The following ATG10 variants were observed in gnomAD, a reference collection of about 807,000 sequenced individuals.
The protein encoded by ATG10 is ubiquitin-like-conjugating enzyme ATG10.
Under a neutral mutation model 32.1 loss-of-function variants are expected in ATG10, and 30 were observed. The observed-to-expected ratio is 0.94, with a 90% CI of 0.70 to 1.27. ATG10 has a LOEUF of 1.27. Among genes scored for constraint, ATG10 ranks in the 50% most tolerant of loss-of-function variants. ATG10 has a pLI of 0.00. For missense variants in ATG10, 233 were observed against 262.3 expected, an observed-to-expected ratio of 0.89 and a Z score of 0.77; for synonymous variants, 87 against 91.5, an observed-to-expected ratio of 0.95 and a Z score of 0.28.
Position 82,012,499 on chromosome 5 carries a change from C to T in ATG10, c.108+24821C>T, listed in dbSNP as rs114122427. On this transcript the variant is annotated intron_variant, in intron 2 of 7. Coordinates refer to ENST00000282185, the MANE Select transcript of ATG10 (RefSeq NM_031482.5). The stretch of plus-strand genomic sequence containing the variant: ...TAGATTGAATCTATGCATCACTTAA[C>T]TTCACATAGGCAACCCTGACCTCCC... 4.4e-3 allele frequency among the ~76,000 whole-genome samples: 666 copies of T among 152,246 alleles called. 4 individuals carry two copies. Among genetic ancestry groups the T allele is most frequent in the African/African-American group, 0.015 (625 of 41,534 alleles).
At chr5:82,075,163 C>G (rs1230048121) in intron 3 of ATG10, among the ~76,000 whole-genome samples, 2 of 152,162 alleles carry the variant, frequency 1.3e-5, no homozygotes, top group Non-Finnish European at 2.9e-5. Flanking sequence ...GTTAGGCTCT[C>G]TCTTCGTTAC....
intron 3 of ATG10, 86 bp from the exon 4 acceptor site, chr5:82,164,313 G>T: frequency 7.7e-7 from 1 of 1,296,988 alleles, no homozygotes. Flanking sequence ...GTTATTTTGT[G>T]AGAAGAAAAT....
chr5:82,008,362 A>G (rs1335355936), intron 2 of ATG10, among the ~76,000 whole-genome samples: 3 of 152,128 alleles, frequency 2.0e-5, no homozygotes, highest in Non-Finnish European at 2.9e-5. Context: ...TGTTTTTGTA[A>G]TAAACACTAA....
At chr5:81,985,619 C>T (rs1195079014) in intron 1 of ATG10, among the ~76,000 whole-genome samples, 4 of 152,180 alleles carry the variant, frequency 2.6e-5, no homozygotes, top group African/African-American at 9.7e-5. Context: ...AGGCAGAAAG[C>T]TTGGAATCTT....
At chr5:81,992,198 C>G (rs1171614018) in intron 2 of ATG10, 1 of 152,062 alleles carries the variant, frequency 6.6e-6, no homozygotes, top group East Asian at 1.9e-4. Flanking sequence ...CTATGTTGCC[C>G]AGGCTGGTCT....
In ATG10 at chr5:82,109,832, C is replaced by G. The variant is rs926312661; in HGVS notation, c.216+51230C>G. ...TATATTTTTATTATACTTTTAAGTT[C>G]TAGGGTACATGTGCACAATGTGCAG... On this transcript the variant is annotated intron_variant, in intron 3 of 7. Coordinates refer to ENST00000282185, the MANE Select transcript of ATG10 (RefSeq NM_031482.5). Among the ~76,000 whole-genome samples the G allele has an allele frequency of 2.0e-5, 3 of 150,544 alleles. No individual in the cohort carries two copies. In the Admixed American group the frequency reaches 2.0e-4, roughly 10 times the overall value.
intron 3 of ATG10, among the ~76,000 whole-genome samples, chr5:82,150,628 C>A (rs915040250): frequency 1.3e-5 from 2 of 152,202 alleles, no homozygotes; most frequent in African/African-American, 4.8e-5. Context: ...ATTTCTGTCA[C>A]CTCAGAGAAA....
At chr5:82,187,200 C>T (rs1052234872) in intron 5 of ATG10, among the ~76,000 whole-genome samples, 2 of 150,628 alleles carry the variant, frequency 1.3e-5, no homozygotes, top group African/African-American at 4.9e-5. Context: ...CCAGAAATCT[C>T]ACCTTTAAAA....
intron 3 of ATG10, among the ~76,000 whole-genome samples, chr5:82,104,190 C>T (rs1239800117): frequency 6.6e-6 from 1 of 152,042 alleles, no homozygotes; most frequent in Non-Finnish European, 1.5e-5. Flanking sequence ...GTACATATTT[C>T]TCTTGTGTTA....
intron 2 of ATG10, among the ~76,000 whole-genome samples, chr5:82,000,532 T>C (rs1398446947): frequency 6.6e-6 from 1 of 152,214 alleles, no homozygotes; most frequent in Non-Finnish European, 1.5e-5. Flanking sequence ...GAACTATTGC[T>C]GTTTGTAGAT....
intron 3 of ATG10, among the ~76,000 whole-genome samples, chr5:82,110,593 G>A (rs1183429726): frequency 1.3e-5 from 2 of 152,140 alleles, no homozygotes; most frequent in East Asian, 1.9e-4. Flanking sequence ...CTGCATAAAT[G>A]TCTTCTTTTG....
At chr5:82,022,629 C>CTTT (rs34410757) in intron 2 of ATG10, among the ~76,000 whole-genome samples, 65 of 135,198 alleles carry the variant, frequency 4.8e-4, no homozygotes, top group East Asian at 3.7e-3. Context: ...AGCCAGTACT[C>CTTT]TTTTTTTTTT....
At chr5:82,055,941 G>A (rs1335111516) in intron 2 of ATG10, among the ~76,000 whole-genome samples, 2 of 152,130 alleles carry the variant, frequency 1.3e-5, no homozygotes, top group African/African-American at 2.4e-5. Context: ...CAGGTTTGCA[G>A]CCTAGGAGCA....
At chr5:82,221,222 T>C (rs558366423) in intron 5 of ATG10, among the ~76,000 whole-genome samples, 6 of 152,334 alleles carry the variant, frequency 3.9e-5, no homozygotes, top group African/African-American at 1.4e-4. Context: ...TCTGCATTTC[T>C]CTCTTTAGCA....
intron 5 of ATG10, among the ~76,000 whole-genome samples, chr5:82,238,860 A>AGG (rs767611238): frequency 7.2e-5 from 11 of 152,150 alleles, no homozygotes; most frequent in Non-Finnish European, 1.3e-4. Context: ...AACATACCTT[A>AGG]GGGGGATACA....
intron 3 of ATG10, among the ~76,000 whole-genome samples, chr5:82,091,210 G>A (rs1331059252): frequency 1.3e-5 from 2 of 152,114 alleles, no homozygotes; most frequent in Non-Finnish European, 2.9e-5. Context: ...AGTCAGCTCT[G>A]TTCTGCTATT....
chr5:82,213,055 G>A (rs1043458489), intron 5 of ATG10, among the ~76,000 whole-genome samples: 5 of 152,094 alleles, frequency 3.3e-5, no homozygotes, highest in Admixed American at 2.6e-4. Flanking sequence ...TCGTTACCAA[G>A]CCTTTTTCAT....
At chr5:82,097,727 T>C (rs1055404350) in intron 3 of ATG10, among the ~76,000 whole-genome samples, 4 of 152,196 alleles carry the variant, frequency 2.6e-5, no homozygotes, top group African/African-American at 9.6e-5. Flanking sequence ...TCTAGTAGAA[T>C]GTTTTTAACT....
chr5:82,166,992 T>C (rs572822165), intron 4 of ATG10, among the ~76,000 whole-genome samples: 93 of 152,318 alleles, frequency 6.1e-4, no homozygotes, highest in Non-Finnish European at 1.0e-3. Flanking sequence ...ATAAATAGTT[T>C]CCATTTAAAT....
Sources: allele counts gnomAD v4.1 joint callset (sites outside exome capture counted in the v4.1 genomes callset), GRCh38; gene constraint gnomAD v4.1.1; transcripts MANE v1.5; gene names NCBI Gene and HGNC (gene_info 2026-07-23, HGNC 2026-07-21).